Variants in SNAP91 observed in about 807,000 individuals in gnomAD.
The protein encoded by SNAP91 is clathrin coat assembly protein AP180.
Under a neutral mutation model 100.3 loss-of-function variants are expected in SNAP91, and 27 were observed. The observed-to-expected ratio is 0.27, with a 90% confidence interval of 0.20 to 0.37. The LOEUF is 0.37. Among genes scored for constraint, SNAP91 ranks in the 10% least tolerant of loss-of-function variants. The pLI is 1.00. For missense variants in SNAP91, 986 were observed against 1,123.7 expected (o/e 0.88, Z 1.75); for synonymous variants, 404 against 398.6 (o/e 1.01, Z -0.16).
intron 24 of SNAP91, among the ~76,000 whole-genome samples, chr6:83,576,436 T>C (rs1168181312): frequency 6.6e-6 from 1 of 152,210 alleles, no homozygotes; most frequent in East Asian, 1.9e-4. Context: ...TTTGTACACA[T>C]GATATGGTTT....
chr6:83,562,016 C>T (rs1446517694), intron 26 of SNAP91, among the ~76,000 whole-genome samples: 1 of 152,018 alleles, frequency 6.6e-6, no homozygotes, highest in Non-Finnish European at 1.5e-5. Flanking sequence ...CAAAGTGAGA[C>T]CCTGTCTCTA....
At chr6:83,646,121 A>C (rs1169617115) in intron 7 of SNAP91, among the ~76,000 whole-genome samples, 1 of 152,188 alleles carries the variant, frequency 6.6e-6, no homozygotes. Context: ...TTTGGACAAC[A>C]GTCCTTTATC....
chr6:83,611,863 ATTTTTTTTTTTTTTT>A (rs750966269), intron 11 of SNAP91, among the ~76,000 whole-genome samples: 1 of 91,250 alleles, frequency 1.1e-5, no homozygotes, highest in Non-Finnish European at 2.0e-5. Flanking sequence ...CGCCCGGCTA[ATTTTTTTTTTTTTTT>A]TTTTTTTTTT....
chr6:83,701,609 G>A (rs488311), intron 2 of SNAP91, among the ~76,000 whole-genome samples: 1 of 151,980 alleles, frequency 6.6e-6, no homozygotes, highest in South Asian at 2.1e-4. Context: ...ACCACACCTG[G>A]CTAACTTTTT....
chr6:83,651,600 C>A (rs980146232), intron 7 of SNAP91, among the ~76,000 whole-genome samples: 5 of 152,050 alleles, frequency 3.3e-5, no homozygotes, highest in African/African-American at 9.7e-5. Context: ...GGTCTGAGAG[C>A]AGATGGTTGT....
chr6:83,654,957 T>A (rs539125171), intron 7 of SNAP91, among the ~76,000 whole-genome samples: 1 of 152,320 alleles, frequency 6.6e-6, no homozygotes, highest in South Asian at 2.1e-4. Flanking sequence ...CTAGCAGAGA[T>A]GCCATTAAAG....
intron 7 of SNAP91, among the ~76,000 whole-genome samples, chr6:83,645,277 A>T (rs75221085): frequency 1.3e-5 from 2 of 152,054 alleles, no homozygotes; most frequent in African/African-American, 4.8e-5. Context: ...ACTTTTTTAA[A>T]GAGTAGTTTT....
In SNAP91 at chr6:83,660,204, T is replaced by C. The variant is rs192645849; in HGVS notation, c.453-1112A>G. ...CATGGACCTACTGCAGAGGTCACAATGCAGCTGGGAACATCAGCAATGGTT... is the reference window on the plus strand; with the variant it reads ...CATGGACCTACTGCAGAGGTCACAACGCAGCTGGGAACATCAGCAATGGTT... On this transcript the variant is annotated intron_variant, in intron 5 of 29. Transcript: ENST00000369694. Among the ~76,000 whole-genome samples the C allele has an allele frequency of 3.1e-3, 467 of 152,310 alleles. 4 individuals carry two copies. Among genetic ancestry groups the C allele is most frequent in the African/African-American group, 0.011 (449 of 41,578 alleles).
chr6:83,556,077 C>T (rs1777432507), intron 29 of SNAP91, 66 bp downstream of exon 29: 1 of 841,854 alleles, frequency 1.2e-6, no homozygotes, highest in Non-Finnish European at 1.9e-6. Flanking sequence ...ATGAGTACCT[C>T]TGAAATAGCT....
At chr6:83,600,396 T>C (rs2095044644) in intron 16 of SNAP91, among the ~76,000 whole-genome samples, 1 of 152,218 alleles carries the variant, frequency 6.6e-6, no homozygotes, top group Non-Finnish European at 1.5e-5. Flanking sequence ...CCAATTTCTT[T>C]ACCATATTCT....
intron 3 of SNAP91, among the ~76,000 whole-genome samples, chr6:83,664,587 T>C (rs2098639303): frequency 6.6e-6 from 1 of 152,136 alleles, no homozygotes; most frequent in African/African-American, 2.4e-5. Flanking sequence ...AATCTCATGA[T>C]AAAATTTGAA....
chr6:83,564,742 A>C (rs1794212521), intron 26 of SNAP91, among the ~76,000 whole-genome samples: 1 of 152,206 alleles, frequency 6.6e-6, no homozygotes, highest in Non-Finnish European at 1.5e-5. Flanking sequence ...CCCCTATCAT[A>C]TTAAAAAACG....
chr6:83,695,017 A>T (rs941740580), intron 2 of SNAP91, among the ~76,000 whole-genome samples: 1 of 152,134 alleles, frequency 6.6e-6, no homozygotes, highest in Non-Finnish European at 1.5e-5. Flanking sequence ...CATGCCTACA[A>T]TCCCAATACT....
intron 2 of SNAP91, among the ~76,000 whole-genome samples, chr6:83,699,264 T>C (rs747529409): frequency 6.6e-6 from 1 of 152,012 alleles, no homozygotes; most frequent in Non-Finnish European, 1.5e-5. Flanking sequence ...CTATGAAATA[T>C]AGAATATAAA....
chr6:83,626,092 A>G (rs1164815061), intron 8 of SNAP91, among the ~76,000 whole-genome samples: 1 of 152,048 alleles, frequency 6.6e-6, no homozygotes, highest in Non-Finnish European at 1.5e-5. Flanking sequence ...CAGTTTTCCC[A>G]GCACCATTTT....
intron 7 of SNAP91, among the ~76,000 whole-genome samples, chr6:83,646,066 T>A (rs922837133): frequency 4.6e-5 from 7 of 152,218 alleles, no homozygotes; most frequent in African/African-American, 1.7e-4. Context: ...CCATTTTTAA[T>A]TGGGTTGTTT....
chr6:83,574,578 G>T (rs1249222951), intron 26 of SNAP91, among the ~76,000 whole-genome samples: 1 of 151,538 alleles, frequency 6.6e-6, no homozygotes, highest in Non-Finnish European at 1.5e-5. Flanking sequence ...AGAAAATTTG[G>T]GCAAGAAATA....
intron 2 of SNAP91, among the ~76,000 whole-genome samples, chr6:83,672,336 G>A (rs965422916): frequency 9.9e-5 from 15 of 151,988 alleles, no homozygotes; most frequent in African/African-American, 3.6e-4. Flanking sequence ...GGGACTGGGG[G>A]CAAGAGGCCT....
chr6:83,701,712 T>C (rs558333710), intron 2 of SNAP91, among the ~76,000 whole-genome samples: 53 of 152,192 alleles, frequency 3.5e-4, no homozygotes, highest in Non-Finnish European at 6.3e-4. Flanking sequence ...ACTCCCAAAG[T>C]GCTGGGATTA....
Sources: gnomAD v4.1 joint callset for allele counts (sites outside exome capture counted in the v4.1 genomes callset) on GRCh38, gnomAD v4.1.1 for gene constraint, MANE v1.5 for transcripts, NCBI Gene and HGNC (gene_info 2026-07-23, HGNC 2026-07-21) for gene names.